The following PDZRN4 variants were observed in gnomAD, a reference collection of about 807,000 sequenced individuals.
The protein encoded by PDZRN4 is PDZ domain containing ring finger 4.
PDZRN4 carries 70 observed loss-of-function variants against 99.0 expected under a neutral mutation model. The ratio of observed to expected loss-of-function variants is 0.71; its 90% CI spans 0.58 to 0.86. PDZRN4 has a LOEUF of 0.86. Among genes scored for constraint, PDZRN4 ranks in the 40% least tolerant of loss-of-function variants. The probability of loss-of-function intolerance (pLI) is 0.00; values close to 1 mark genes in which losing one functional copy is unlikely to be tolerated. For synonymous variants in PDZRN4, 551 were observed against 501.6 expected (o/e 1.10, Z -1.32); for missense variants, 1,474 against 1,331.2 (o/e 1.11, Z -1.67).
At chr12:41,210,585 TAAGA>T (rs2120694250) in intron 3 of PDZRN4, among the ~76,000 whole-genome samples, 1 of 152,108 alleles carries the variant, frequency 6.6e-6, no homozygotes, top group Admixed American at 6.6e-5. Context: ...TGTCAAAATA[TAAGA>T]AATACTTTAA....
At chr12:41,539,029 G>A (rs1030807985) in intron 5 of PDZRN4, among the ~76,000 whole-genome samples, 6 of 151,876 alleles carry the variant, frequency 4.0e-5, no homozygotes, top group African/African-American at 1.5e-4. Flanking sequence ...GGAGGTACAG[G>A]CAACTAGTTA....
intron 3 of PDZRN4, among the ~76,000 whole-genome samples, chr12:41,461,040 T>C (rs1952868434): frequency 6.6e-6 from 1 of 152,154 alleles, no homozygotes; most frequent in Non-Finnish European, 1.5e-5. Flanking sequence ...CCCTAGAGTT[T>C]CCCTGTGTAA....
Position 41,477,478 on chromosome 12 carries a change from G to A in PDZRN4, c.844-28978G>A, listed in dbSNP as rs11180941. ...CTAGAAAAGAGGTTGGCACATGTCT[G>A]TTAAGGACAGCCGAAAAGGATGGTG... On this transcript the variant is annotated intron_variant, in intron 3 of 9. Coordinates refer to ENST00000402685, the MANE Select transcript of PDZRN4 (RefSeq NM_001164595.2). Among the ~76,000 whole-genome samples, 495 of 152,334 alleles carry A rather than the reference G, an allele frequency of 3.2e-3. 16 individuals carry two copies. In the East Asian group the frequency reaches 0.088, roughly 27 times the overall value.
intron 5 of PDZRN4, among the ~76,000 whole-genome samples, chr12:41,538,422 A>G (rs1938786306): frequency 6.6e-6 from 1 of 152,200 alleles, no homozygotes; most frequent in Non-Finnish European, 1.5e-5. Context: ...GAGGATATTC[A>G]TGATACTTTG....
chr12:41,303,563 C>T (rs1343146392), intron 3 of PDZRN4, among the ~76,000 whole-genome samples: 1 of 152,184 alleles, frequency 6.6e-6, no homozygotes, highest in African/African-American at 2.4e-5. Context: ...TTCCACAAGA[C>T]TTCATCTAGC....
rs144268270 is a variant in PDZRN4, at chr12:41,326,123, A to G, written c.843+131935A>G. Among the ~76,000 whole-genome samples, 644 of 147,174 alleles carry G rather than the reference A, an allele frequency of 4.4e-3. 7 individuals carry two copies. The highest frequency in any genetic ancestry group is 0.015 in the African/African-American group (590 of 40,192). On this transcript the variant is annotated intron_variant, in intron 3 of 9. Transcript: ENST00000402685. ...CTTGGCCTCCTGAATAGCTGGGACT[A>G]TAAGCATGTGCCACCACACTCGGCT...
At chr12:41,532,048 T>A (rs1271161581) in intron 5 of PDZRN4, among the ~76,000 whole-genome samples, 1 of 152,226 alleles carries the variant, frequency 6.6e-6, no homozygotes, top group Non-Finnish European at 1.5e-5. Flanking sequence ...TCTAAATTTT[T>A]AAAAACAATT....
intron 3 of PDZRN4, among the ~76,000 whole-genome samples, chr12:41,223,291 A>T (rs1950970555): frequency 6.6e-6 from 1 of 152,174 alleles, no homozygotes; most frequent in East Asian, 1.9e-4. Context: ...GTATGTAGAC[A>T]TTAAAGAAAA....
chr12:41,470,649 C>G, intron 3 of PDZRN4, among the ~76,000 whole-genome samples: 1 of 152,156 alleles, frequency 6.6e-6, no homozygotes, highest in Non-Finnish European at 1.5e-5. Flanking sequence ...TATCTCTTCC[C>G]CCTCCCGCCA....
intron 5 of PDZRN4, among the ~76,000 whole-genome samples, chr12:41,537,338 C>T (rs1938766439): frequency 6.6e-6 from 1 of 152,164 alleles, no homozygotes; most frequent in Non-Finnish European, 1.5e-5. Context: ...CTATAATCAA[C>T]AATGAGATAC....
In PDZRN4 at chr12:41,562,648, T is replaced by TTTTATTAA. The variant is rs1939289907; in HGVS notation, c.1366-897_1366-890dup. ...ATTATTAAATATCCAAAGGAAAAAG[T>TTTTATTAA]TTTATTAATTAAGAGCTAAATATAT... On this transcript the variant is annotated intron_variant, in intron 7 of 9. Coordinates refer to ENST00000402685, the MANE Select transcript of PDZRN4 (RefSeq NM_001164595.2). Among the ~76,000 whole-genome samples the TTTTATTAA allele has an allele frequency of 2.0e-5, 3 of 152,098 alleles. No individual in the cohort carries two copies. In the East Asian group the frequency reaches 5.8e-4, roughly 29 times the overall value.
intron 3 of PDZRN4, among the ~76,000 whole-genome samples, chr12:41,325,005 A>G (rs536293239): frequency 1.8e-4 from 27 of 152,296 alleles, no homozygotes; most frequent in South Asian, 1.0e-3. Flanking sequence ...GCATGGGTCT[A>G]GATACCTCCA....
rs759961693 is a variant in PDZRN4, at chr12:41,572,810, G to T, written c.2031G>T (p.Glu677Asp). 6 of 1,614,134 alleles carry T rather than the reference G, an allele frequency of 3.7e-6. No homozygotes were observed. Among genetic ancestry groups the T allele is most frequent in the Admixed American group, 3.3e-5 (2 of 60,020 alleles). Residue 677 changes from glutamate to aspartate, a missense_variant, in exon 10 of 10, where the codon GAG becomes GAT. Transcript: ENST00000402685. ...QLLNEELRNI[E>D]LECQNIMQAH... ...TTAATGAAGAACTGAGAAACATTGA[G>T]CTTGAGTGTCAGAATATCATGCAGG...
At chr12:41,247,359 T>C (rs1339041764) in intron 3 of PDZRN4, among the ~76,000 whole-genome samples, 1 of 152,186 alleles carries the variant, frequency 6.6e-6, no homozygotes, top group East Asian at 1.9e-4. Flanking sequence ...CCAGTAAAAC[T>C]CACTGAATCA....
chr12:41,540,777 T>C (rs933662128), intron 5 of PDZRN4, among the ~76,000 whole-genome samples: 2 of 152,200 alleles, frequency 1.3e-5, no homozygotes, highest in Admixed American at 6.5e-5. Context: ...TTTGGAGCAG[T>C]CTTTCAGCCT....
chr12:41,502,321 T>C (rs887607564), intron 3 of PDZRN4, among the ~76,000 whole-genome samples: 5 of 152,156 alleles, frequency 3.3e-5, no homozygotes, highest in African/African-American at 9.7e-5. Context: ...GAGGAAATTA[T>C]TGCATATACT....
At chr12:41,425,011 ACT>A (rs1952523205) in intron 3 of PDZRN4, among the ~76,000 whole-genome samples, 1 of 152,052 alleles carries the variant, frequency 6.6e-6, no homozygotes, top group South Asian at 2.1e-4. Context: ...TACCACAAAG[ACT>A]CTGACACAAT....
chr12:41,227,699 T>C (rs113376873), intron 3 of PDZRN4, among the ~76,000 whole-genome samples: 7 of 152,042 alleles, frequency 4.6e-5, no homozygotes, highest in African/African-American at 1.2e-4. Context: ...CATTAAGACA[T>C]TGATGCTACC....
chr12:41,246,765 C>T (rs1419360020), intron 3 of PDZRN4, among the ~76,000 whole-genome samples: 1 of 152,096 alleles, frequency 6.6e-6, no homozygotes, highest in African/African-American at 2.4e-5. Flanking sequence ...TTCTTAATGC[C>T]TTTGGACCAC....
Sources: allele counts gnomAD v4.1 joint callset (sites outside exome capture counted in the v4.1 genomes callset), GRCh38; gene constraint gnomAD v4.1.1; transcripts MANE v1.5; gene names NCBI Gene and HGNC (gene_info 2026-07-23, HGNC 2026-07-21).